The following TNNT2 variants were observed in gnomAD, a reference collection of about 807,000 sequenced individuals.
TNNT2 encodes troponin T2, cardiac type.
A neutral mutation model predicts 62.4 loss-of-function variants in TNNT2; 34 were observed. The observed-to-expected ratio is 0.54, with a 90% CI of 0.41 to 0.72. The LOEUF (loss-of-function observed/expected upper bound fraction) is 0.72, where lower values mean the gene tolerates loss of function less well. Ranked by LOEUF, TNNT2 falls within the 30% of genes least tolerant of loss-of-function variation. The pLI is 0.00. For synonymous variants in TNNT2, 123 were observed against 127.2 expected (o/e 0.97, Z 0.22); for missense variants, 275 against 381.9 (o/e 0.72, Z 2.33).
intron 6 of TNNT2, 146 bp downstream of exon 6, chr1:201,368,016 G>A (rs1659976724): frequency 2.0e-6 from 2 of 1,001,760 alleles, no homozygotes; most frequent in Non-Finnish European, 3.2e-6. Flanking sequence ...TTTGTTGATT[G>A]GGCAATCAAT....
At chr1:201,362,675 T>C (rs1382316812) in intron 12 of TNNT2, among the ~76,000 whole-genome samples, 10 of 151,890 alleles carry the variant, frequency 6.6e-5, no homozygotes, top group Admixed American at 6.5e-4. Context: ...AAGCTGGAAA[T>C]CTAAGAAAAT....
chr1:201,373,276 AG>A lies in TNNT2; in HGVS notation c.-14-9del. On this transcript the variant is annotated splice_polypyrimidine_tract_variant and intron_variant, in intron 1 of 16. Coordinates refer to ENST00000656932, the MANE Select transcript of TNNT2 (RefSeq NM_001276345.2). ...ACATGGTCTCTGCTCTCCCTCCAAA[AG>A]GAGAAAAAAGTCAGTGCAGGTACAA... is the stretch of plus-strand genomic sequence containing the variant. 6.2e-7 allele frequency: 1 copy of A among 1,613,906 alleles called. No homozygotes were observed. The highest frequency in any genetic ancestry group is 8.5e-7 in the Non-Finnish European group (1 of 1,179,842).
intron 4 of TNNT2, among the ~76,000 whole-genome samples, chr1:201,370,657 G>A (rs150881607): frequency 2.8e-4 from 42 of 152,258 alleles, no homozygotes; most frequent in East Asian, 1.4e-3. Flanking sequence ...GGCAAGTCTC[G>A]TCTATTCATG....
At chr1:201,359,753 G>T in intron 15 of TNNT2, 90 bp from the exon 16 acceptor site, 2 of 1,069,548 alleles carry the variant, frequency 1.9e-6, no homozygotes, top group Non-Finnish European at 2.8e-6. Context: ...AGGGGGCTGA[G>T]TGCAGCAGTG....
At chr1:201,364,198 A>G in intron 11 of TNNT2, 100 bp downstream of exon 11, 1 of 1,295,154 alleles carries the variant, frequency 7.7e-7, no homozygotes, top group Non-Finnish European at 1.1e-6. Flanking sequence ...TTGTCTCTTG[A>G]CTGATTTCAT....
rs576423144 is a variant in TNNT2, at chr1:201,373,366, G to T, written c.-14-98C>A. On this transcript the variant is annotated intron_variant, in intron 1 of 16. Transcript: ENST00000656932. ...TTGTACAGAGATCAGCGAGGCCTAG[G>T]GTGAATCTAGTTCCACCCCTCATGA... is the stretch of plus-strand genomic sequence containing the variant. 31 of 1,061,506 alleles carry T rather than the reference G, an allele frequency of 2.9e-5. No individual in the cohort carries two copies. The African/African-American group carries it at 4.7e-4, about 16-fold the overall frequency. The allele number at this position is 1,061,506 out of a possible 1,614,324, so 65.8% of individuals were successfully genotyped here.
intron 11 of TNNT2, 30 bp downstream of exon 11, chr1:201,364,268 C>A: frequency 6.2e-7 from 1 of 1,605,454 alleles, no homozygotes. Flanking sequence ...CATGGGGGGC[C>A]TCCATGGGCC....
At position 201,361,989 on chromosome 1, in the gene TNNT2, G is replaced by T. The variant is rs45586240; in HGVS notation, c.643C>A (p.Arg215=). ...GCCAGAATCTTCTTCTTCTTTTCCC[G>T]CTCAGTCTGCCTCTTCCCACTTTTC... is the stretch of plus-strand genomic sequence containing the variant. ...ERKSGKRQTE[R]EKKKKILAER... is the part of the protein sequence containing the mutation. The change falls in exon 14 of 17, where the codon CGG becomes AGG. Residue 215 remains arginine, a synonymous_variant. Transcript: ENST00000656932. The T allele has an allele frequency of 3.1e-6, 5 of 1,614,116 alleles. No individual in the cohort carries two copies. In the South Asian group the frequency reaches 4.4e-5, roughly 14 times the overall value.
chr1:201,372,684 G>A (rs1032545846), intron 2 of TNNT2, among the ~76,000 whole-genome samples: 10 of 152,332 alleles, frequency 6.6e-5, no homozygotes, highest in Admixed American at 6.5e-5. Context: ...GGCAGTAGCC[G>A]TGCCTATACC....
chr1:201,374,961 C>T (rs1225977724), intron 1 of TNNT2: 1 of 152,502 alleles, frequency 6.6e-6, no homozygotes, highest in East Asian at 1.9e-4. Context: ...CCCTCCAATG[C>T]TCCTCCCCTG....
chr1:201,365,132 A>G, intron 10 of TNNT2, 59 bp downstream of exon 10: 1 of 1,440,228 alleles, frequency 6.9e-7, no homozygotes, highest in Non-Finnish European at 9.8e-7. Flanking sequence ...GCCTCACAAA[A>G]GGGATGGAGG....
At chr1:201,366,229 ATCTGGGAT>A in intron 8 of TNNT2, 3 of 1,022,712 alleles carry the variant, frequency 2.9e-6, no homozygotes, top group South Asian at 4.0e-5. Context: ...AAATAAATGG[ATCTGGGAT>A]GTCTTGGGCT....
Position 201,359,205 on chromosome 1 carries a change from A to G in TNNT2, c.*5T>C, listed in dbSNP as rs1380411275. On this transcript the variant is annotated 3_prime_UTR_variant, in exon 17 of 17. Transcript: ENST00000656932. ...GAGCAGATCTTTGGTGAAGGAGGCC[A>G]GGCTCTATTTCCAGCGCCCGGTGAC... The G allele has an allele frequency of 6.2e-7, 1 of 1,609,016 alleles. No homozygotes were observed. Among genetic ancestry groups the G allele is most frequent in the African/African-American group, 1.3e-5 (1 of 74,910 alleles).
rs1044111671 is a variant in TNNT2, at chr1:201,359,078, T to C, written c.*132A>G. The C allele has an allele frequency of 8.4e-6, 10 of 1,186,582 alleles. No homozygotes were observed. Among genetic ancestry groups the C allele is most frequent in the Middle Eastern group, 2.7e-4 (1 of 3,728 alleles). The allele number at this position is 1,186,582 out of a possible 1,614,324, so 73.5% of individuals were successfully genotyped here. A position where few individuals can be genotyped will look rare whatever the true frequency, so the allele number is the denominator to read the frequency against. On this transcript the variant is annotated 3_prime_UTR_variant, in exon 17 of 17. Transcript: ENST00000656932. ...TGTGGGGGCAGGCAGGAGTGGTGGC[T>C]CCCACCTAGGCCAGCTCCCCATTTC...
chr1:201,369,292 C>T lies in TNNT2; in HGVS notation c.97+524G>A, dbSNP rs78089383. On this transcript the variant is annotated intron_variant, in intron 5 of 16. Coordinates refer to ENST00000656932, the MANE Select transcript of TNNT2 (RefSeq NM_001276345.2). ...CTCACTCCCTTGCCTTGGTCCTGTGCTCCCCATCAGCAGGGCGCATCTGAA... is the reference window on the plus strand; with the variant it reads ...CTCACTCCCTTGCCTTGGTCCTGTGTTCCCCATCAGCAGGGCGCATCTGAA... 5.5e-5 allele frequency: 26 copies of T among 472,426 alleles called. No individual in the cohort carries two copies. In the East Asian group the frequency reaches 1.7e-3, roughly 30 times the overall value. The allele number at this position is 472,426 out of a possible 1,614,324, so 29.3% of individuals were successfully genotyped here.
intron 4 of TNNT2, among the ~76,000 whole-genome samples, chr1:201,371,697 C>T (rs1029833938): frequency 1.3e-5 from 2 of 151,950 alleles, no homozygotes; most frequent in Admixed American, 1.3e-4. Context: ...GTACCTTGGG[C>T]AGGGGGGGCC....
At chr1:201,366,216 G>T in intron 8 of TNNT2, 1 of 1,028,862 alleles carries the variant, frequency 9.7e-7, no homozygotes. Context: ...GAAGGCACTG[G>T]GCAAATAAAT....
At chr1:201,362,416 G>C (rs1571609081) in intron 12 of TNNT2, 22 bp from the exon 13 acceptor site, 1 of 1,613,508 alleles carries the variant, frequency 6.2e-7, no homozygotes, top group Non-Finnish European at 8.5e-7. Flanking sequence ...AACCATGAGA[G>C]AGAGGCCCAT....
At chr1:201,370,555 C>T (rs188742050) in intron 4 of TNNT2, among the ~76,000 whole-genome samples, 105 of 152,340 alleles carry the variant, frequency 6.9e-4, no homozygotes, top group Non-Finnish European at 3.5e-4. Flanking sequence ...AAGAAGGACA[C>T]CTGGCATTAT....
Sources: allele counts gnomAD v4.1 joint callset (sites outside exome capture counted in the v4.1 genomes callset), GRCh38; gene constraint gnomAD v4.1.1; transcripts MANE v1.5; gene names NCBI Gene and HGNC (gene_info 2026-07-23, HGNC 2026-07-21).